The following TECR variants were observed in gnomAD, a reference collection of about 807,000 sequenced individuals.
The protein encoded by TECR is very-long-chain enoyl-CoA reductase.
A neutral mutation model predicts 50.6 loss-of-function variants in TECR; 19 were observed. The ratio of observed to expected loss-of-function variants is 0.38; its 90% CI spans 0.26 to 0.55. The LOEUF (loss-of-function observed/expected upper bound fraction) is 0.55, where lower values mean the gene tolerates loss of function less well. Ranked by LOEUF, TECR falls within the 20% of genes least tolerant of loss-of-function variation. The probability of loss-of-function intolerance (pLI) is 0.79; values close to 1 mark genes in which losing one functional copy is unlikely to be tolerated. For missense variants in TECR, 313 were observed against 408.3 expected, an observed-to-expected ratio of 0.77 and a Z score of 2.01; for synonymous variants, 168 against 163.5, an observed-to-expected ratio of 1.03 and a Z score of -0.21.
chr19:14,533,429 AAAG>A (rs2072748359), intron 1 of TECR, among the ~76,000 whole-genome samples: 1 of 152,150 alleles, frequency 6.6e-6, no homozygotes, highest in African/African-American at 2.4e-5. Context: ...TCAAAAAAAA[AAAG>A]AAAAAAATCT....
chr19:14,555,131 G>A (rs1404995451), intron 1 of TECR, among the ~76,000 whole-genome samples: 4 of 151,418 alleles, frequency 2.6e-5, no homozygotes, highest in Admixed American at 6.6e-5. Context: ...CAGGGGTGCC[G>A]TAGTGTAATC....
chr19:14,544,296 C>T (rs1271331031), intron 1 of TECR, among the ~76,000 whole-genome samples: 2 of 152,044 alleles, frequency 1.3e-5, no homozygotes, highest in Non-Finnish European at 2.9e-5. Flanking sequence ...TTTGTGTAAG[C>T]CCCTGGCTCT....
intron 1 of TECR, among the ~76,000 whole-genome samples, chr19:14,553,676 A>C (rs1000823536): frequency 3.3e-5 from 5 of 152,092 alleles, no homozygotes; most frequent in African/African-American, 1.2e-4. Flanking sequence ...AGTCCAGATG[A>C]ATGTGCCGGA....
intron 1 of TECR, chr19:14,562,174 T>G: frequency 1.7e-6 from 1 of 593,260 alleles, no homozygotes; most frequent in Non-Finnish European, 3.0e-6. Context: ...TATATTTAGC[T>G]GGGCTGTGGC....
At chr19:14,552,621 G>A (rs955520080) in intron 1 of TECR, among the ~76,000 whole-genome samples, 16 of 151,566 alleles carry the variant, frequency 1.1e-4, no homozygotes, top group Admixed American at 2.0e-4. Flanking sequence ...TGCAAGCTCC[G>A]CCTCCCGGGT....
At chr19:14,561,922 G>A (rs978654201) in intron 1 of TECR, 5 of 178,578 alleles carry the variant, frequency 2.8e-5, no homozygotes, top group African/African-American at 9.5e-5. Flanking sequence ...GCTGCGGGCT[G>A]GGGCCTGCAC....
At chr19:14,553,196 G>A (rs1358467239) in intron 1 of TECR, among the ~76,000 whole-genome samples, 4 of 152,124 alleles carry the variant, frequency 2.6e-5, no homozygotes, top group Non-Finnish European at 5.9e-5. Flanking sequence ...TGCTCGCTCG[G>A]GGCTCTGCTG....
Position 14,564,202 on chromosome 19 carries a change from C to T in TECR, c.404C>T (p.Ser135Leu), listed in dbSNP as rs764161947. Residue 135 changes from serine (S) to leucine (L), a missense_variant, in exon 7 of 13, where the codon TCA becomes TTA. Transcript: ENST00000215567. Reference protein sequence around the residue: ...TVVHLACICHSFHYIKRLLET... With the variant: ...TVVHLACICHLFHYIKRLLET... ...ACCAGCCTCGCCTGCATCTGTCACT[C>T]ATTCCACTACATCAAGCGCCTGCTG... The T allele has an allele frequency of 1.1e-5, 18 of 1,607,954 alleles. No homozygotes were observed. Among genetic ancestry groups the T allele is most frequent in the South Asian group, 6.6e-5 (6 of 91,084 alleles).
At position 14,534,130 on chromosome 19, in the gene TECR, C is replaced by CT. The variant is rs574085204; in HGVS notation, c.15+4432dup. On this transcript the variant is annotated intron_variant, in intron 1 of 12. Coordinates refer to ENST00000215567, the MANE Select transcript of TECR (RefSeq NM_138501.6). ...AACCCACATTTAGGGTGTTTTCTTT[C>CT]TTTTTTTTTTTTTACACAGAGTCTC... 4.2e-3 allele frequency: 601 copies of CT among 144,252 alleles called. 3 individuals are homozygous for CT. The highest frequency in any genetic ancestry group is 8.0e-3 in the Admixed American group (115 of 14,322). The allele number at this position is 144,252 out of a possible 1,614,324, so 8.9% of individuals were successfully genotyped here.
At chr19:14,557,009 C>G (rs905474070) in intron 1 of TECR, among the ~76,000 whole-genome samples, 1 of 152,174 alleles carries the variant, frequency 6.6e-6, no homozygotes, top group African/African-American at 2.4e-5. Context: ...GGATGGGCCC[C>G]TTCAAGAGCA....
chr19:14,547,534 G>A (rs2073346455), intron 1 of TECR, among the ~76,000 whole-genome samples: 1 of 151,986 alleles, frequency 6.6e-6, no homozygotes, highest in East Asian at 1.9e-4. Flanking sequence ...CTAATTTTTT[G>A]TATTTTCAGT....
Position 14,565,833 on chromosome 19 carries a change from C to T in TECR, c.889C>T (p.Pro297Ser). ...CTACCTGAAGGAGTTCCGGGACTAC[C>T]CGCCCCTGCGCATGCCCATCATCCC... ...RSYLKEFRDYPPLRMPIIPFL... is the reference protein window; with the variant it reads ...RSYLKEFRDYSPLRMPIIPFL... The change falls in exon 13 of 13, where the codon CCG (proline) becomes TCG (serine). Residue 297 changes from proline (P) to serine (S), a missense_variant. Transcript: ENST00000215567. The T allele has an allele frequency of 1.3e-6, 2 of 1,598,088 alleles. No homozygotes were observed. Among genetic ancestry groups the T allele is most frequent in the Non-Finnish European group, 1.7e-6 (2 of 1,173,722 alleles).
At chr19:14,545,087 G>A (rs1165032441) in intron 1 of TECR, 2 of 456,616 alleles carry the variant, frequency 4.4e-6, no homozygotes, top group Admixed American at 4.7e-5. Context: ...AGCCACATTT[G>A]CTCCCTTACT....
chr19:14,554,224 T>G (rs1227568824), intron 1 of TECR, among the ~76,000 whole-genome samples: 1 of 152,168 alleles, frequency 6.6e-6, no homozygotes, highest in Non-Finnish European at 1.5e-5. Flanking sequence ...GCAGGAGAGA[T>G]GTCTGGGAAG....
At chr19:14,540,276 G>A (rs1383804536) in intron 1 of TECR, among the ~76,000 whole-genome samples, 1 of 151,726 alleles carries the variant, frequency 6.6e-6, no homozygotes, top group Non-Finnish European at 1.5e-5. Context: ...CACTGTGTCA[G>A]CCAGGATGGT....
At position 14,563,103 on chromosome 19, in the gene TECR, T is replaced by A; in HGVS notation, c.67-103T>A. 4 of 1,429,354 alleles carry A rather than the reference T, an allele frequency of 2.8e-6. No individual in the cohort carries two copies. Among genetic ancestry groups the A allele is most frequent in the Non-Finnish European group, 3.9e-6 (4 of 1,027,286 alleles). 88.5% of individuals were successfully genotyped at this position (1,429,354 alleles called of 1,614,324 possible). On this transcript the variant is annotated intron_variant, in intron 2 of 12. Coordinates refer to ENST00000215567, the MANE Select transcript of TECR (RefSeq NM_138501.6). The surrounding 1 kb of genome is among the most constrained non-coding windows in gnomAD (Gnocchi z 5.3). ...GGACCCCAGCCCTTCCCCCTTCCCA[T>A]AGCTACAGCCCAACCCCCAGCCTGC...
In TECR at chr19:14,563,139, A is replaced by C. The variant is rs1195599003; in HGVS notation, c.67-67A>C. On this transcript the variant is annotated intron_variant, in intron 2 of 12. Coordinates refer to ENST00000215567, the MANE Select transcript of TECR (RefSeq NM_138501.6). The surrounding 1 kb of genome is among the most constrained non-coding windows in gnomAD (Gnocchi z 5.3). ...CAACCCCCAGCCTGCCATCCCCTTT[A>C]GTACCTCCCCATCCTGAGTCTGGGC... 2 of 1,610,598 alleles carry C rather than the reference A, an allele frequency of 1.2e-6. No individual in the cohort carries two copies. Among genetic ancestry groups the C allele is most frequent in the Non-Finnish European group, 8.5e-7 (1 of 1,178,150 alleles).
At chr19:14,539,139 AAT>A in intron 1 of TECR, among the ~76,000 whole-genome samples, 1 of 97,122 alleles carries the variant, frequency 1.0e-5, no homozygotes, top group Non-Finnish European at 2.0e-5. Flanking sequence ...ACGCCCGGCT[AAT>A]TTTTTTTTTT....
chr19:14,534,994 C>T (rs921117251), intron 1 of TECR, among the ~76,000 whole-genome samples: 12 of 152,164 alleles, frequency 7.9e-5, no homozygotes, highest in Middle Eastern at 3.4e-3. Context: ...CGAGGTGCTG[C>T]GGGTCAGTGT....
Sources: allele counts gnomAD v4.1 joint callset (sites outside exome capture counted in the v4.1 genomes callset), GRCh38; gene constraint gnomAD v4.1.1; non-coding constraint Gnocchi (gnomAD v3.1); transcripts MANE v1.5; gene names NCBI Gene and HGNC (gene_info 2026-07-23, HGNC 2026-07-21).